CDH12: variants seen among roughly 807,000 people sequenced by gnomAD.
CDH12 encodes the protein cadherin 12.
Under a neutral mutation model 74.1 loss-of-function variants are expected in CDH12, and 41 were observed. The observed-to-expected ratio is 0.55, with a 90% CI of 0.43 to 0.72. CDH12 has a LOEUF of 0.72. CDH12 is among the 30% of genes least tolerant of loss of function. The pLI is 0.00. For missense variants in CDH12, 945 were observed against 977.2 expected, an observed-to-expected ratio of 0.97 and a Z score of 0.44; for synonymous variants, 399 against 355.0, an observed-to-expected ratio of 1.12 and a Z score of -1.39.
chr5:22,594,411 G>A (rs1432430799), intron 1 of CDH12, among the ~76,000 whole-genome samples: 1 of 152,072 alleles, frequency 6.6e-6, no homozygotes, highest in Non-Finnish European at 1.5e-5. Context: ...TCTCCAAAGA[G>A]ACGTACTCAT....
chr5:22,547,232 C>A (rs1738372992), intron 1 of CDH12, among the ~76,000 whole-genome samples: 1 of 152,102 alleles, frequency 6.6e-6, no homozygotes, highest in Non-Finnish European at 1.5e-5. Context: ...TGTGAATGTC[C>A]AGTTCAATAT....
intron 4 of CDH12, among the ~76,000 whole-genome samples, chr5:22,155,502 A>G (rs2150314684): frequency 6.6e-6 from 1 of 152,262 alleles, no homozygotes; most frequent in African/African-American, 2.4e-5. Flanking sequence ...TCATGCTACT[A>G]CCTAATTACA....
chr5:22,428,195 G>A (rs1241673279), intron 2 of CDH12, among the ~76,000 whole-genome samples: 2 of 65,254 alleles, frequency 3.1e-5, no homozygotes, highest in African/African-American at 1.2e-4. Flanking sequence ...ACACACATAT[G>A]TATATATATA....
At chr5:22,031,679 A>T (rs1049328906) in intron 5 of CDH12, among the ~76,000 whole-genome samples, 2 of 152,154 alleles carry the variant, frequency 1.3e-5, no homozygotes, top group Non-Finnish European at 2.9e-5. Flanking sequence ...CATTAATTTC[A>T]ATATTGTTGT....
intron 9 of CDH12, among the ~76,000 whole-genome samples, chr5:21,816,652 A>AAAAAAAAAAAAAAAAAAAAT (rs1748064018): frequency 6.9e-6 from 1 of 145,702 alleles, no homozygotes; most frequent in Non-Finnish European, 1.5e-5. Context: ...AAAAAAAAAA[A>AAAAAAAAAAAAAAAAAAAAT]AGAATAGAGT....
chr5:21,755,850 A>G lies in CDH12; in HGVS notation c.1634-8T>C. 6.2e-7 allele frequency: 1 copy of G among 1,613,768 alleles called. No individual in the cohort carries two copies. Among genetic ancestry groups the G allele is most frequent in the Non-Finnish European group, 8.5e-7 (1 of 1,179,704 alleles). On this transcript the variant is annotated splice_region_variant and splice_polypyrimidine_tract_variant and intron_variant, in intron 13 of 14. Coordinates refer to ENST00000382254, the MANE Select transcript of CDH12 (RefSeq NM_004061.5). Reference sequence around the variant, plus strand: ...CAATCCCCGCTGTGTTGTCTACAAAACATGACATTTATGGTAACATGGTTA... The same window carrying G: ...CAATCCCCGCTGTGTTGTCTACAAAGCATGACATTTATGGTAACATGGTTA...
chr5:22,661,386 T>A (rs1257577523), intron 1 of CDH12, among the ~76,000 whole-genome samples: 1 of 152,194 alleles, frequency 6.6e-6, no homozygotes, highest in East Asian at 1.9e-4. Flanking sequence ...TTAGCAGGAA[T>A]TATTCTATTT....
intron 2 of CDH12, among the ~76,000 whole-genome samples, chr5:22,461,820 C>G (rs996786003): frequency 6.6e-6 from 1 of 150,482 alleles, no homozygotes; most frequent in Non-Finnish European, 1.5e-5. Context: ...TGTCATTATA[C>G]TTCTCCATTT....
At chr5:22,417,895 T>A (rs1382874865) in intron 2 of CDH12, among the ~76,000 whole-genome samples, 8 of 152,176 alleles carry the variant, frequency 5.3e-5, no homozygotes, top group Admixed American at 5.2e-4. Context: ...TTTGAATAGA[T>A]CTGTTGCTAT....
At chr5:22,292,663 G>A (rs1737446287) in intron 3 of CDH12, among the ~76,000 whole-genome samples, 1 of 151,228 alleles carries the variant, frequency 6.6e-6, no homozygotes, top group Non-Finnish European at 1.5e-5. Flanking sequence ...TGACCAATAG[G>A]TAAATAAAAC....
At chr5:22,430,036 T>C (rs1298977694) in intron 2 of CDH12, among the ~76,000 whole-genome samples, 1 of 152,180 alleles carries the variant, frequency 6.6e-6, no homozygotes, top group Non-Finnish European at 1.5e-5. Context: ...AACTACCATT[T>C]GCATGATCAA....
At chr5:22,391,079 C>T (rs1476939538) in intron 3 of CDH12, among the ~76,000 whole-genome samples, 1 of 152,108 alleles carries the variant, frequency 6.6e-6, no homozygotes, top group Non-Finnish European at 1.5e-5. Context: ...AGTGATGTCA[C>T]TCAGCAGAGG....
intron 4 of CDH12, among the ~76,000 whole-genome samples, chr5:22,103,932 T>A (rs113290124): frequency 6.1e-4 from 93 of 152,290 alleles, no homozygotes; most frequent in African/African-American, 2.1e-3. Context: ...CATAAATTTG[T>A]CAAGGTACTC....
intron 2 of CDH12, among the ~76,000 whole-genome samples, chr5:22,467,574 A>C (rs1387902219): frequency 6.6e-6 from 1 of 152,162 alleles, no homozygotes; most frequent in Non-Finnish European, 1.5e-5. Context: ...GGGCTTAATG[A>C]GGGGAGGGAC....
chr5:22,509,330 A>G lies in CDH12; in HGVS notation c.-522-3966T>C, dbSNP rs139200015. On this transcript the variant is annotated intron_variant, in intron 1 of 14. Transcript: ENST00000382254. ...GTCAGACTATGGCTACATAATTTTT[A>G]GAAAGAGCTTAATTAAGCAAATCTC... is the stretch of plus-strand genomic sequence containing the variant. 3.4e-3 allele frequency among the ~76,000 whole-genome samples: 512 copies of G among 152,350 alleles called. 2 individuals are homozygous for G. The highest frequency in any genetic ancestry group is 0.012 in the African/African-American group (496 of 41,588).
At chr5:22,850,720 C>G (rs1336484023) in intron 1 of CDH12, among the ~76,000 whole-genome samples, 1 of 152,084 alleles carries the variant, frequency 6.6e-6, no homozygotes, top group Non-Finnish European at 1.5e-5. Flanking sequence ...TGTAATCACT[C>G]TTTCCCTTTG....
chr5:22,177,812 T>A (rs1749424057), intron 4 of CDH12, among the ~76,000 whole-genome samples: 1 of 152,128 alleles, frequency 6.6e-6, no homozygotes, highest in Non-Finnish European at 1.5e-5. Context: ...TCTGGACATT[T>A]CTCTCTTAGC....
At chr5:22,238,373 GGAT>G (rs1561246108) in intron 3 of CDH12, among the ~76,000 whole-genome samples, 1 of 150,726 alleles carries the variant, frequency 6.6e-6, no homozygotes, top group Non-Finnish European at 1.5e-5. Flanking sequence ...GAATTCAAAT[GGAT>G]AATTCAAATG....
chr5:21,794,721 T>C (rs1040740866), intron 10 of CDH12, among the ~76,000 whole-genome samples: 3 of 151,804 alleles, frequency 2.0e-5, no homozygotes, highest in African/African-American at 7.2e-5. Context: ...AGAGGTACTT[T>C]GAGTCCTAGC....
Sources: allele counts gnomAD v4.1 joint callset (sites outside exome capture counted in the v4.1 genomes callset), GRCh38; gene constraint gnomAD v4.1.1; transcripts MANE v1.5; gene names NCBI Gene and HGNC (gene_info 2026-07-23, HGNC 2026-07-21).